Variants in ABR observed in about 807,000 individuals in gnomAD.
ABR encodes ABR activator of RhoGEF and GTPase, also known as active breakpoint cluster region-related protein.
Under a neutral mutation model 107.2 loss-of-function variants are expected in ABR, and 35 were observed. The ratio of observed to expected loss-of-function variants is 0.33; its 90% confidence interval spans 0.25 to 0.43. The LOEUF is 0.43. ABR is among the 20% of genes least tolerant of loss of function. The pLI is 1.00. For synonymous variants in ABR, 498 were observed against 462.0 expected (o/e 1.08, Z -1.00); for missense variants, 815 against 1,115.2 (o/e 0.73, Z 3.83).
intron 4 of ABR, among the ~76,000 whole-genome samples, chr17:1,086,383 T>C (rs980034709): frequency 6.6e-6 from 1 of 152,100 alleles, no homozygotes; most frequent in African/African-American, 2.4e-5. Flanking sequence ...GATTTACACA[T>C]AGCATTGCTG....
chr17:1,109,017 C>T, intron 2 of ABR: 1 of 1,598,272 alleles, frequency 6.3e-7, no homozygotes. Context: ...AACACATCTT[C>T]GTCCTCCAGA....
chr17:1,030,943 C>G (rs2072679977), intron 16 of ABR, among the ~76,000 whole-genome samples: 1 of 152,226 alleles, frequency 6.6e-6, no homozygotes, highest in African/African-American at 2.4e-5. Flanking sequence ...CCCAAGCCAG[C>G]CCCGAGGCAG....
At chr17:1,211,042 G>A (rs566906740) in intron 1 of ABR, among the ~76,000 whole-genome samples, 1 of 152,340 alleles carries the variant, frequency 6.6e-6, no homozygotes, top group South Asian at 2.1e-4. Context: ...CACTTTGGGA[G>A]GCCAAGGCGG....
intron 11 of ABR, 62 bp from the exon 12 acceptor site, chr17:1,058,107 C>T: frequency 9.2e-7 from 1 of 1,082,910 alleles, no homozygotes; most frequent in Non-Finnish European, 1.4e-6. Context: ...ACTCCCAGAT[C>T]CTGGGGACCC....
At chr17:1,094,495 T>A (rs1463243850) in intron 3 of ABR, among the ~76,000 whole-genome samples, 8 of 151,760 alleles carry the variant, frequency 5.3e-5, no homozygotes, top group Non-Finnish European at 2.9e-5. Flanking sequence ...CTCAGCCTCC[T>A]GAGTAGCTGG....
At chr17:1,125,561 T>G in intron 1 of ABR, 194 bp from the exon 2 acceptor site, 6 of 404,970 alleles carry the variant, frequency 1.5e-5, no homozygotes, top group East Asian at 4.3e-5. Flanking sequence ...CACCGGGCCC[T>G]GCCCGCTCCG....
At position 1,145,017 on chromosome 17, in the gene ABR, CA is replaced by C. The variant is rs928582632; in HGVS notation, c.62-19651del. 3.9e-3 allele frequency among the ~76,000 whole-genome samples: 584 copies of C among 149,528 alleles called. 2 individuals are homozygous for C. Among genetic ancestry groups the C allele is most frequent in the African/African-American group, 0.014 (560 of 40,688 alleles). ...TGGGTGACAGAGTGAGACTCTGTCT[CA>C]AAAAAAATAAATAAATAAAAATAAA... On this transcript the variant is annotated intron_variant, in intron 1 of 22. Coordinates refer to ENST00000302538, the MANE Select transcript of ABR (RefSeq NM_021962.5).
rs1041332342 is a variant in ABR at position 1,037,928 on chromosome 17, C to A, written c.1791+12122G>T. On this transcript the variant is annotated intron_variant, in intron 16 of 22. Coordinates refer to ENST00000302538, the MANE Select transcript of ABR (RefSeq NM_021962.5). This position sits in a 1 kb window ranked among gnomAD's most constrained non-coding sequence, Gnocchi z 4.6. ...TTCCACAGCTGTCAAATCAGGAGCT[C>A]GGAACAGACACATGGTCTCCGGTGA... Among the ~76,000 whole-genome samples, 2 of 152,180 alleles carry A rather than the reference C, an allele frequency of 1.3e-5. No homozygotes were observed. Among genetic ancestry groups the A allele is most frequent in the African/African-American group, 4.8e-5 (2 of 41,446 alleles).
chr17:1,166,320 C>T (rs1468781660), intron 1 of ABR, among the ~76,000 whole-genome samples: 1 of 151,926 alleles, frequency 6.6e-6, no homozygotes, highest in African/African-American at 2.4e-5. Context: ...AGGTCCAGTG[C>T]CCAGTCCCCG....
At chr17:1,209,643 C>G (rs2042865118) in intron 1 of ABR, among the ~76,000 whole-genome samples, 1 of 152,014 alleles carries the variant, frequency 6.6e-6, no homozygotes, top group South Asian at 2.1e-4. Flanking sequence ...GTCATAAAAT[C>G]AGACATACAA....
At chr17:1,067,596 C>G (rs778401243) in intron 9 of ABR, among the ~76,000 whole-genome samples, 1 of 152,210 alleles carries the variant, frequency 6.6e-6, no homozygotes, top group Non-Finnish European at 1.5e-5. Context: ...CCCTCCCTCC[C>G]TTCTAGACTA....
At chr17:1,044,621 A>T (rs2150995904) in intron 16 of ABR, among the ~76,000 whole-genome samples, 1 of 151,184 alleles carries the variant, frequency 6.6e-6, no homozygotes, top group African/African-American at 2.4e-5. Context: ...ATTGCACTCC[A>T]GCCTGGGCAG....
At chr17:1,049,340 G>A (rs1404585376) in intron 16 of ABR, among the ~76,000 whole-genome samples, 1 of 152,024 alleles carries the variant, frequency 6.6e-6, no homozygotes, top group Non-Finnish European at 1.5e-5. Context: ...GCTAATTTTT[G>A]TATTTTTAGT....
rs569861998 is a variant in ABR, at chr17:1,165,870, G to A, written c.61+13797C>T. 3.8e-4 allele frequency among the ~76,000 whole-genome samples: 58 copies of A among 152,282 alleles called. 1 individual carries two copies. In the South Asian group the frequency reaches 0.011, roughly 29 times the overall value. ...TTTTCAAGTGAGAGCAGCCTTGAGG[G>A]TGCCATGGTCTCTCTGAGTCCAGGG... On this transcript the variant is annotated intron_variant, in intron 1 of 22. Coordinates refer to ENST00000302538, the MANE Select transcript of ABR (RefSeq NM_021962.5).
At chr17:1,149,806 C>G (rs1437254225) in intron 1 of ABR, among the ~76,000 whole-genome samples, 2 of 152,304 alleles carry the variant, frequency 1.3e-5, no homozygotes, top group African/African-American at 4.8e-5. Flanking sequence ...CCTGTCAGCT[C>G]CAAATGCCAG....
At chr17:1,144,594 A>AG in intron 1 of ABR, among the ~76,000 whole-genome samples, 1 of 151,816 alleles carries the variant, frequency 6.6e-6, no homozygotes, top group East Asian at 1.9e-4. Context: ...CAGGCAAAAA[A>AG]AAAAAAAGGG....
Position 1,152,850 on chromosome 17 carries a change from T to C in ABR, c.61+26817A>G, listed in dbSNP as rs1597988730. ...GGGTCATGCCTGTAATCCCAGCACTTTGGGAGGCCAAGGTGGGTGGATCAC... is the reference window on the plus strand; with the variant it reads ...GGGTCATGCCTGTAATCCCAGCACTCTGGGAGGCCAAGGTGGGTGGATCAC... On this transcript the variant is annotated intron_variant, in intron 1 of 22. Coordinates refer to ENST00000302538, the MANE Select transcript of ABR (RefSeq NM_021962.5). 2.0e-5 allele frequency among the ~76,000 whole-genome samples: 3 copies of C among 152,086 alleles called. No individual in the cohort carries two copies. The South Asian group carries it at 6.2e-4, about 32-fold the overall frequency.
At chr17:1,081,844 T>C (rs1384553011) in intron 5 of ABR, among the ~76,000 whole-genome samples, 2 of 152,210 alleles carry the variant, frequency 1.3e-5, no homozygotes, top group Non-Finnish European at 2.9e-5. Context: ...CCCAAAGTGC[T>C]GGGATGACAG....
Position 1,071,914 on chromosome 17 carries a change from T to C in ABR, c.894+700A>G, listed in dbSNP as rs2035269652. ...CTTCTGGCTCACTGGATTGTTATTA[T>C]TATTTCTGAGATGGAGTCTCACTCT... is the stretch of plus-strand genomic sequence containing the variant. On this transcript the variant is annotated intron_variant, in intron 8 of 22. Coordinates refer to ENST00000302538, the MANE Select transcript of ABR (RefSeq NM_021962.5). This position sits in a 1 kb window ranked among gnomAD's most constrained non-coding sequence, Gnocchi z 5.1. 6.6e-6 allele frequency among the ~76,000 whole-genome samples: 1 copy of C among 152,186 alleles called. No individual in the cohort carries two copies. Among genetic ancestry groups the C allele is most frequent in the Non-Finnish European group, 1.5e-5 (1 of 68,026 alleles).
Sources: allele counts gnomAD v4.1 joint callset (sites outside exome capture counted in the v4.1 genomes callset), GRCh38; gene constraint gnomAD v4.1.1; non-coding constraint Gnocchi (gnomAD v3.1); transcripts MANE v1.5; gene names NCBI Gene and HGNC (gene_info 2026-07-23, HGNC 2026-07-21).